The following TMEM276 variants were observed in gnomAD, a reference collection of about 807,000 sequenced individuals.
TMEM276 encodes transmembrane protein 276.
chr8:144,466,290 G>T, the TMEM276 span: 1 of 231,882 alleles, frequency 4.3e-6, no homozygotes, highest in Non-Finnish European at 8.1e-6. Context: ...TCGCCTTCCA[G>T]CCGTGGGAGC....
chr8:144,463,966 C>T, the TMEM276 span: 8 of 1,499,748 alleles, frequency 5.3e-6, no homozygotes, highest in African/African-American at 4.2e-5. Flanking sequence ...CCACACGTGG[C>T]CAAAGGACAG....
the TMEM276 span, chr8:144,465,088 T>C: frequency 1.3e-6 from 2 of 1,510,486 alleles, no homozygotes; most frequent in Non-Finnish European, 1.8e-6. Flanking sequence ...CTGAGGCCAC[T>C]GCACACACCT....
At chr8:144,463,964 G>A in the TMEM276 span, 3 of 1,498,282 alleles carry the variant, frequency 2.0e-6, no homozygotes, top group Non-Finnish European at 2.7e-6. Context: ...CCCCACACGT[G>A]GCCAAAGGAC....
chr8:144,466,603 G>T, the TMEM276 span: 1 of 869,430 alleles, frequency 1.2e-6, no homozygotes, highest in Non-Finnish European at 1.5e-6. Flanking sequence ...GGGCGGGCAC[G>T]GGGCGCGGGG....
At chr8:144,465,049 A>G in the TMEM276 span, 21 of 1,534,332 alleles carry the variant, frequency 1.4e-5, no homozygotes, top group East Asian at 4.6e-4. Context: ...GGATGTTAGG[A>G]GAAGTTCAGT....
the TMEM276 span, chr8:144,466,499 A>C: frequency 3.2e-5 from 42 of 1,306,202 alleles, no homozygotes; most frequent in Non-Finnish European, 4.0e-5. Flanking sequence ...GCGGCCGCGG[A>C]GCCCGGGGAC....
the TMEM276 span, chr8:144,464,178 G>C: frequency 6.2e-7 from 1 of 1,613,088 alleles, no homozygotes; most frequent in Admixed American, 1.7e-5. Flanking sequence ...AAGCCCAGCT[G>C]CCTACAGCCA....
At chr8:144,466,453 T>G in the TMEM276 span, 1 of 1,358,596 alleles carries the variant, frequency 7.4e-7, no homozygotes. Flanking sequence ...CATCTACATC[T>G]TCTACAGCCT....
At chr8:144,465,566 G>T in the TMEM276 span, 1 of 213,472 alleles carries the variant, frequency 4.7e-6, no homozygotes, top group Non-Finnish European at 7.8e-6. Flanking sequence ...GGAGAGGGTC[G>T]AGACCTGGGG....
At chr8:144,466,419 C>G in the TMEM276 span, 2 of 1,322,028 alleles carry the variant, frequency 1.5e-6, no homozygotes, top group African/African-American at 1.6e-5. Flanking sequence ...CCCGCGCTCC[C>G]ATGTACGCCT....
chr8:144,464,658 G>A, the TMEM276 span: 1 of 1,577,316 alleles, frequency 6.3e-7, no homozygotes, highest in South Asian at 1.2e-5. Context: ...AGAGGCCGGG[G>A]TCACCCTTTT....
the TMEM276 span, chr8:144,465,021 T>C: frequency 3.3e-6 from 5 of 1,536,724 alleles, no homozygotes; most frequent in Non-Finnish European, 4.4e-6. Flanking sequence ...TAAGCCCAGG[T>C]TCCAGGTCCC....
the TMEM276 span, chr8:144,464,056 G>T: frequency 1.9e-5 from 30 of 1,551,400 alleles, no homozygotes; most frequent in Non-Finnish European, 2.5e-5. Flanking sequence ...TAGGGAGAAG[G>T]CGCCAGGAGC....
chr8:144,466,183 G>C, the TMEM276 span: 1 of 174,208 alleles, frequency 5.7e-6, no homozygotes, highest in African/African-American at 2.4e-5. Context: ...CGGTGTCCGC[G>C]GTGTAGGGGT....
chr8:144,466,631 G>A, the TMEM276 span: 1 of 915,636 alleles, frequency 1.1e-6, no homozygotes, highest in Non-Finnish European at 1.5e-6. Context: ...GCCGTGCCGA[G>A]GACCCTCGGC....
At chr8:144,463,860 G>T in the TMEM276 span, 2 of 1,363,504 alleles carry the variant, frequency 1.5e-6, no homozygotes, top group Non-Finnish European at 1.9e-6. Context: ...TGGAGACTAG[G>T]CCTCTTCTCT....
At chr8:144,464,538 G>T in the TMEM276 span, 1 of 1,612,038 alleles carries the variant, frequency 6.2e-7, no homozygotes, top group Non-Finnish European at 8.5e-7. Context: ...CTTCGTGTGT[G>T]CTCAGCCCTG....
chr8:144,466,583 C>A, the TMEM276 span: 1 of 958,662 alleles, frequency 1.0e-6, no homozygotes, highest in Non-Finnish European at 1.4e-6. Context: ...CGCCGAGGTT[C>A]CCGGGGCGGG....
At chr8:144,463,864 C>G in the TMEM276 span, 2 of 1,370,424 alleles carry the variant, frequency 1.5e-6, no homozygotes, top group Admixed American at 7.0e-5. Flanking sequence ...GACTAGGCCT[C>G]TTCTCTGGAT....
Sources: allele counts gnomAD v4.1 joint callset, GRCh38; gene constraint gnomAD v4.1.1; transcripts MANE v1.5; gene names NCBI Gene and HGNC (gene_info 2026-07-23, HGNC 2026-07-21).